The following DMD variants were observed in gnomAD, a reference collection of about 807,000 sequenced individuals.
DMD encodes dystrophin.
A neutral mutation model predicts 330.1 loss-of-function variants in DMD; 63 were observed. The ratio of observed to expected loss-of-function variants is 0.19; its 90% CI spans 0.16 to 0.24. The LOEUF (loss-of-function observed/expected upper bound fraction) is 0.24. Among genes scored for constraint, DMD ranks in the 10% least tolerant of loss-of-function variants. The probability of loss-of-function intolerance (pLI) is 1.00; values close to 1 mark genes in which losing one functional copy is unlikely to be tolerated. For synonymous variants in DMD, 1,223 were observed against 959.8 expected, an observed-to-expected ratio of 1.27 and a Z score of -5.07; for missense variants, 3,344 against 2,684.1, an observed-to-expected ratio of 1.25 and a Z score of -5.43.
intron 28 of DMD, among the ~76,000 whole-genome samples, chrX:32,438,716 G>T (rs1174171434): frequency 9.0e-6 from 1 of 111,724 alleles, no homozygotes; most frequent in African/African-American, 3.3e-5. Context: ...ATAGCTAGTG[G>T]TGTCCACGTG....
chrX:32,999,432 G>T (rs2093214225), intron 2 of DMD, among the ~76,000 whole-genome samples: 1 of 111,672 alleles, frequency 9.0e-6, no homozygotes, highest in South Asian at 3.7e-4. Context: ...TTTTAAGTTG[G>T]CAATGAATGT....
At chrX:31,318,048 A>G in intron 62 of DMD, among the ~76,000 whole-genome samples, 1 of 112,371 alleles carries the variant, frequency 8.9e-6, no homozygotes, top group Non-Finnish European at 1.9e-5. Flanking sequence ...GAATTGGAGC[A>G]ATGCCTGGTA....
At chrX:31,224,507 TGAGGATATG>T (rs1418919868) in intron 63 of DMD, among the ~76,000 whole-genome samples, 1 of 112,048 alleles carries the variant, frequency 8.9e-6, no homozygotes, top group Admixed American at 9.4e-5. Context: ...CAAATGTTGG[TGAGGATATG>T]GAGCGACTGG....
At chrX:31,454,063 A>AATAATCC (rs1234085836) in intron 59 of DMD, among the ~76,000 whole-genome samples, 1 of 112,316 alleles carries the variant, frequency 8.9e-6, no homozygotes, top group African/African-American at 3.2e-5. Flanking sequence ...AAAAGTAAGT[A>AATAATCC]ATAATCCATA....
rs1401270091 is a variant in DMD at position 31,929,662 on chromosome X, G to A, written c.6846C>T (p.Pro2282=). 1.7e-6 allele frequency: 2 copies of A among 1,210,986 alleles called. No individual in the cohort carries two copies. Among genetic ancestry groups the A allele is most frequent in the South Asian group, 3.5e-5 (2 of 56,972 alleles). Reference sequence around the variant, plus strand: ...GTTTATCTTGCTCTTCTGGGCTTATGGGAGCACTTACAAGCACGGGTCCTC... The same window carrying A: ...GTTTATCTTGCTCTTCTGGGCTTATAGGAGCACTTACAAGCACGGGTCCTC... The part of the protein sequence containing the change: ...ETGGPVLVSA[P]ISPEEQDKLE... Residue 2282 remains proline (P), a synonymous_variant, in exon 47 of 79, where the codon CCC becomes CCT. Transcript: ENST00000357033.
chrX:32,450,132 G>A (rs1019116360), intron 26 of DMD, among the ~76,000 whole-genome samples: 2 of 110,732 alleles, frequency 1.8e-5, no homozygotes, highest in African/African-American at 6.6e-5. Context: ...GGGATTCAGT[G>A]GCCACAGAAA....
At chrX:32,490,784 A>C (rs5972581) in intron 20 of DMD, among the ~76,000 whole-genome samples, 2 of 111,716 alleles carry the variant, frequency 1.8e-5, no homozygotes, top group Non-Finnish European at 3.8e-5. Flanking sequence ...CATTTTAAAA[A>C]TATCTTTTTG....
intron 53 of DMD, among the ~76,000 whole-genome samples, chrX:31,675,763 A>G: frequency 8.9e-6 from 1 of 112,307 alleles, no homozygotes; most frequent in Non-Finnish European, 1.9e-5. Context: ...AGAAGTTAAA[A>G]TAATTATTAA....
intron 12 of DMD, among the ~76,000 whole-genome samples, chrX:32,598,679 T>C (rs1236062978): frequency 8.9e-6 from 1 of 112,398 alleles, no homozygotes; most frequent in Admixed American, 9.4e-5. Context: ...TTAAAGTCTA[T>C]GTGATCAAAC....
chrX:32,730,028 C>T (rs1014381809), intron 7 of DMD, among the ~76,000 whole-genome samples: 1 of 111,753 alleles, frequency 8.9e-6, no homozygotes, highest in African/African-American at 3.3e-5. Flanking sequence ...GTGTTCAGAT[C>T]CCCACTGTTA....
At chrX:32,980,900 G>A (rs1023411134) in intron 2 of DMD, among the ~76,000 whole-genome samples, 2 of 111,422 alleles carry the variant, frequency 1.8e-5, no homozygotes, top group Non-Finnish European at 3.8e-5. Flanking sequence ...CTAATAATTT[G>A]CCTAGTGACA....
At chrX:31,905,011 C>T (rs2094462533) in intron 47 of DMD, among the ~76,000 whole-genome samples, 1 of 111,015 alleles carries the variant, frequency 9.0e-6, no homozygotes. Flanking sequence ...AAGAACGGAC[C>T]ATATTTTAAC....
chrX:32,593,175 G>A (rs1207441618), intron 13 of DMD, among the ~76,000 whole-genome samples: 1 of 112,559 alleles, frequency 8.9e-6, no homozygotes, highest in Non-Finnish European at 1.9e-5. Context: ...GGCCACAGAG[G>A]TTTCTGGCTG....
At chrX:32,810,967 C>G (rs1257034347) in intron 6 of DMD, among the ~76,000 whole-genome samples, 1 of 110,649 alleles carries the variant, frequency 9.0e-6, no homozygotes, top group Non-Finnish European at 1.9e-5. Context: ...ATGGCTCACT[C>G]CTTTACTTCC....
chrX:31,122,855 G>A (rs1232928179), intron 78 of DMD, among the ~76,000 whole-genome samples: 1 of 111,833 alleles, frequency 8.9e-6, no homozygotes, highest in Non-Finnish European at 1.9e-5. Flanking sequence ...GCAAAATTCA[G>A]ATTTAGAGTA....
intron 63 of DMD, among the ~76,000 whole-genome samples, chrX:31,250,993 A>G (rs934293687): frequency 9.2e-6 from 1 of 109,167 alleles, no homozygotes; most frequent in Non-Finnish European, 1.9e-5. Flanking sequence ...GAGGCAGGAA[A>G]ATCGCTTGAA....
At chrX:31,812,454 T>C (rs1332425166) in intron 50 of DMD, among the ~76,000 whole-genome samples, 2 of 103,071 alleles carry the variant, frequency 1.9e-5, no homozygotes, top group South Asian at 5.1e-4. Context: ...CATTAGGAGA[T>C]ATACCTAATG....
At chrX:32,569,283 T>A (rs2052116560) in intron 15 of DMD, among the ~76,000 whole-genome samples, 1 of 111,990 alleles carries the variant, frequency 8.9e-6, no homozygotes, top group African/African-American at 3.2e-5. Flanking sequence ...GGAATACGCA[T>A]AAGAGAATAA....
chrX:31,990,669 G>A (rs754864862), intron 44 of DMD, among the ~76,000 whole-genome samples: 6 of 112,228 alleles, frequency 5.3e-5, no homozygotes, highest in Non-Finnish European at 9.4e-5. Flanking sequence ...ATGCGGTACA[G>A]TTTTAACATT....
Sources: gnomAD v4.1 joint callset for allele counts (sites outside exome capture counted in the v4.1 genomes callset) on GRCh38, gnomAD v4.1.1 for gene constraint, MANE v1.5 for transcripts, NCBI Gene and HGNC (gene_info 2026-07-23, HGNC 2026-07-21) for gene names.